Variants in NIPA2 observed in about 807,000 individuals in gnomAD.
NIPA2 encodes magnesium transporter NIPA2.
Under a neutral mutation model 29.7 loss-of-function variants are expected in NIPA2, and 11 were observed. The ratio of observed to expected loss-of-function variants is 0.37; its 90% confidence interval spans 0.23 to 0.61. The LOEUF (loss-of-function observed/expected upper bound fraction) is 0.61, where lower values mean the gene tolerates loss of function less well. Among genes scored for constraint, NIPA2 ranks in the 20% least tolerant of loss-of-function variants. The pLI is 0.66. For missense variants in NIPA2, 426 were observed against 437.9 expected (o/e 0.97, Z 0.24); for synonymous variants, 183 against 161.9 (o/e 1.13, Z -0.99).
intron 7 of NIPA2, 25 bp downstream of exon 7, chr15:22,860,814 T>C: frequency 2.0e-6 from 3 of 1,526,530 alleles, no homozygotes; most frequent in Non-Finnish European, 2.6e-6. Context: ...TTATTAGTCT[T>C]ACTGTATTTT....
At chr15:22,866,077 G>T in intron 7 of NIPA2, 136 bp from the exon 8 acceptor site, 2 of 680,780 alleles carry the variant, frequency 2.9e-6, no homozygotes, top group South Asian at 2.0e-5. Flanking sequence ...TTTCTGCTTG[G>T]GCTGCAAAAT....
chr15:22,858,689 A>G, intron 6 of NIPA2, 59 bp downstream of exon 6: 3 of 1,007,328 alleles, frequency 3.0e-6, no homozygotes, highest in African/African-American at 3.3e-5. Flanking sequence ...TAAAATATTC[A>G]GTACCATCTA....
chr15:22,859,325 C>T (rs1412109379), intron 6 of NIPA2, among the ~76,000 whole-genome samples: 3 of 119,700 alleles, frequency 2.5e-5, no homozygotes, highest in African/African-American at 9.9e-5. Flanking sequence ...CGGAGTCTTG[C>T]TCTGTCGCCC....
intron 7 of NIPA2, among the ~76,000 whole-genome samples, chr15:22,864,361 A>G (rs1468068469): frequency 6.6e-6 from 1 of 152,076 alleles, no homozygotes; most frequent in African/African-American, 2.4e-5. Flanking sequence ...TCACCATGTT[A>G]GCCAGGATGG....
At chr15:22,859,712 C>G (rs1392334156) in intron 6 of NIPA2, among the ~76,000 whole-genome samples, 1 of 152,056 alleles carries the variant, frequency 6.6e-6, no homozygotes, top group African/African-American at 2.4e-5. Context: ...ATGTCTGGAT[C>G]TTGGTTACTA....
intron 3 of NIPA2, among the ~76,000 whole-genome samples, chr15:22,848,241 C>A (rs2057429351): frequency 6.6e-6 from 1 of 152,048 alleles, no homozygotes; most frequent in Non-Finnish European, 1.5e-5. Context: ...TCCGTATAAC[C>A]ATTTTCCTTG....
intron 7 of NIPA2, among the ~76,000 whole-genome samples, chr15:22,862,031 C>T (rs888995267): frequency 7.1e-6 from 1 of 140,128 alleles, no homozygotes; most frequent in Non-Finnish European, 1.5e-5. Context: ...GCCACCATGC[C>T]TCGCCTGATG....
chr15:22,859,737 T>G (rs1317177893), intron 6 of NIPA2, among the ~76,000 whole-genome samples: 1 of 152,210 alleles, frequency 6.6e-6, no homozygotes. Context: ...CAAAGTAGAT[T>G]GACTGATTTT....
At chr15:22,853,146 A>G in intron 4 of NIPA2, 66 bp from the exon 5 acceptor site, 1 of 1,051,746 alleles carries the variant, frequency 9.5e-7, no homozygotes, top group Non-Finnish European at 1.5e-6. Flanking sequence ...TGTCATTACT[A>G]ATAGTTATAA....
chr15:22,853,929 G>A (rs970790966), intron 5 of NIPA2, among the ~76,000 whole-genome samples: 1 of 152,040 alleles, frequency 6.6e-6, no homozygotes, highest in Non-Finnish European at 1.5e-5. Flanking sequence ...CCGGGTTCAA[G>A]CGATTATCCT....
At chr15:22,855,937 A>G (rs929042679) in intron 5 of NIPA2, among the ~76,000 whole-genome samples, 1 of 152,178 alleles carries the variant, frequency 6.6e-6, no homozygotes, top group Non-Finnish European at 1.5e-5. Context: ...CCCCTTTCAC[A>G]GTGAATTAGT....
intron 3 of NIPA2, among the ~76,000 whole-genome samples, chr15:22,849,835 T>A (rs762912325): frequency 6.6e-6 from 1 of 152,102 alleles, no homozygotes; most frequent in Non-Finnish European, 1.5e-5. Flanking sequence ...GTGCTGGGAT[T>A]ACATGTGTGA....
intron 2 of NIPA2, among the ~76,000 whole-genome samples, chr15:22,840,095 A>G (rs1453311376): frequency 6.6e-6 from 1 of 150,942 alleles, no homozygotes; most frequent in African/African-American, 2.4e-5. Flanking sequence ...TAATTTTTGT[A>G]TTTTTTTTAG....
At chr15:22,851,616 A>C in intron 3 of NIPA2, 23 bp from the exon 4 acceptor site, 1 of 807,928 alleles carries the variant, frequency 1.2e-6, no homozygotes, top group Non-Finnish European at 1.9e-6. Context: ...TGTGAAAACC[A>C]CATTTCATTT....
At chr15:22,860,551 A>T in intron 6 of NIPA2, 78 bp from the exon 7 acceptor site, 2 of 975,096 alleles carry the variant, frequency 2.1e-6, no homozygotes, top group Non-Finnish European at 3.1e-6. Flanking sequence ...TCAGTGATTT[A>T]AATTACGAGT....
intron 2 of NIPA2, among the ~76,000 whole-genome samples, chr15:22,843,431 G>A (rs921272241): frequency 1.3e-5 from 2 of 149,884 alleles, no homozygotes; most frequent in Admixed American, 6.6e-5. Flanking sequence ...GCGTGAACCC[G>A]GGAGGCAGAG....
intron 7 of NIPA2, among the ~76,000 whole-genome samples, chr15:22,861,400 TC>T (rs1481356880): frequency 6.6e-6 from 1 of 152,178 alleles, no homozygotes; most frequent in African/African-American, 2.4e-5. Context: ...TCCTGGGGAT[TC>T]CCTTCAGTTT....
At position 22,857,982 on chromosome 15, in the gene NIPA2, T is replaced by C. The variant is rs904152365; in HGVS notation, c.197-558T>C. 5.9e-5 allele frequency among the ~76,000 whole-genome samples: 9 copies of C among 152,196 alleles called. No homozygotes were observed. In the East Asian group the frequency reaches 9.6e-4, roughly 16 times the overall value. ...TTAAAATTTTTATTAAAATGCCTTA[T>C]GTCAGCATGAGCTAGATTTCTTCCG... is the stretch of plus-strand genomic sequence containing the variant. On this transcript the variant is annotated intron_variant, in intron 5 of 7. Transcript: ENST00000337451.
chr15:22,866,790 C>T lies in NIPA2; in HGVS notation c.1026C>T (p.Ile342=), dbSNP rs145591082. 429 of 1,611,774 alleles carry T rather than the reference C, an allele frequency of 2.7e-4. No individual in the cohort carries two copies. The highest frequency in any genetic ancestry group is 3.4e-4 in the Non-Finnish European group (396 of 1,178,600). ...ATGAAGAAAGCTTAACCTGTGGAAT[C>T]GAACAACACACTGGTGAAAATGTCT... ...NNNEESLTCG[I]EQHTGENVSR... The change falls in exon 8 of 8, where the codon ATC becomes ATT. Residue 342 remains isoleucine, a synonymous_variant. Transcript: ENST00000337451.
Sources: gnomAD v4.1 joint callset for allele counts (sites outside exome capture counted in the v4.1 genomes callset) on GRCh38, gnomAD v4.1.1 for gene constraint, MANE v1.5 for transcripts, NCBI Gene and HGNC (gene_info 2026-07-23, HGNC 2026-07-21) for gene names.